The following SRGAP1 variants were observed in gnomAD, a reference collection of about 807,000 sequenced individuals.
The protein encoded by SRGAP1 is SLIT-ROBO Rho GTPase-activating protein 1.
A neutral mutation model predicts 121.9 loss-of-function variants in SRGAP1; 43 were observed. The observed-to-expected ratio is 0.35, with a 90% CI of 0.28 to 0.46. SRGAP1 has a LOEUF of 0.46. SRGAP1 is among the 20% of genes least tolerant of loss of function. The pLI, the probability that SRGAP1 is intolerant of heterozygous loss-of-function variation, is 1.00. For missense variants in SRGAP1, 1,102 were observed against 1,350.9 expected (o/e 0.82, Z 2.89); for synonymous variants, 447 against 485.4 (o/e 0.92, Z 1.04).
Position 64,126,099 on chromosome 12 carries a change from G to A in SRGAP1, c.2347G>A (p.Gly783Ser), listed in dbSNP as rs761486340. Residue 783 changes from glycine (G) to serine (S), a missense_variant, in exon 19 of 22, where the codon GGC becomes AGC. This residue lies in a region of SRGAP1 where 40 missense variants were observed against 78.4 expected (regional missense o/e 0.51). Transcript: ENST00000355086. ...YHRASEDWWE[G>S]RHNGIDGLVP... The stretch of plus-strand genomic sequence containing the variant: ...CCGTGCATCTGAGGACTGGTGGGAA[G>A]GCAGGCACAACGGGATTGACGGGCT... 1.9e-6 allele frequency: 3 copies of A among 1,614,170 alleles called. No homozygotes were observed. The South Asian group carries it at 3.3e-5, about 18-fold the overall frequency.
intron 1 of SRGAP1, among the ~76,000 whole-genome samples, chr12:63,981,987 G>A (rs920221196): frequency 6.6e-6 from 1 of 152,056 alleles, no homozygotes; most frequent in African/African-American, 2.4e-5. Flanking sequence ...GCCGAGGTGG[G>A]CGGATCACGA....
intron 6 of SRGAP1, among the ~76,000 whole-genome samples, chr12:64,049,975 T>C (rs1286255219): frequency 6.6e-6 from 1 of 152,192 alleles, no homozygotes; most frequent in Non-Finnish European, 1.5e-5. Flanking sequence ...TGTAGACCGC[T>C]TTGGGAAGTC....
intron 1 of SRGAP1, among the ~76,000 whole-genome samples, chr12:63,953,396 T>C (rs1304993617): frequency 1.4e-5 from 2 of 141,828 alleles, no homozygotes; most frequent in Admixed American, 7.5e-5. Context: ...AGTTTCTTGA[T>C]TGATTTTTTT....
chr12:63,848,931 C>G (rs1366005441), intron 1 of SRGAP1, among the ~76,000 whole-genome samples: 2 of 151,956 alleles, frequency 1.3e-5, no homozygotes, highest in African/African-American at 4.8e-5. Context: ...ACAGAAAAAA[C>G]AGTAATCAAA....
chr12:64,152,461 A>G lies in SRGAP1; in HGVS notation c.*9789A>G, dbSNP rs1565705016. On this transcript the variant is annotated 3_prime_UTR_variant, in exon 22 of 22. Coordinates refer to ENST00000355086, the MANE Select transcript of SRGAP1 (RefSeq NM_020762.4). Reference sequence around the variant, plus strand: ...GACGGCATACTACTGTGTCTTATTCATCTTTGTATCTTCAAGCCTAATGCA... The same window carrying G: ...GACGGCATACTACTGTGTCTTATTCGTCTTTGTATCTTCAAGCCTAATGCA... The G allele has an allele frequency of 1.3e-5, 2 of 152,176 alleles. No individual in the cohort carries two copies. Among genetic ancestry groups the G allele is most frequent in the African/African-American group, 4.8e-5 (2 of 41,442 alleles). The allele number at this position is 152,176 out of a possible 1,614,324, so 9.4% of individuals were successfully genotyped here.
At chr12:63,847,852 C>G (rs1040016733) in intron 1 of SRGAP1, among the ~76,000 whole-genome samples, 1 of 151,842 alleles carries the variant, frequency 6.6e-6, no homozygotes, top group Non-Finnish European at 1.5e-5. Flanking sequence ...TTTCTACCTT[C>G]TAACTTAGAA....
intron 1 of SRGAP1, among the ~76,000 whole-genome samples, 157 bp downstream of exon 1, chr12:63,845,040 G>T (rs902727043): frequency 1.3e-5 from 2 of 152,062 alleles, no homozygotes; most frequent in Admixed American, 6.5e-5. Context: ...AAGCCAGTTA[G>T]TTCCCAGTTG....
chr12:63,930,745 T>C (rs1018852778), intron 1 of SRGAP1, among the ~76,000 whole-genome samples: 1 of 151,752 alleles, frequency 6.6e-6, no homozygotes, highest in Non-Finnish European at 1.5e-5. Context: ...ATCTTACTCA[T>C]TGGGATTGGA....
chr12:64,127,709 A>T lies in SRGAP1; in HGVS notation c.2525A>T (p.Asp842Val). The change falls in exon 20 of 22, where the codon GAC becomes GTC. Residue 842 changes from aspartate (D) to valine (V), a missense_variant. By Grantham distance (152) the Asp-to-Val change is radical. Transcript: ENST00000355086. The part of the protein sequence containing the change: ...DMNSPTDRHP[D>V]GYLARQRKRG... ...AACTCCCCGACAGACCGTCATCCTG[A>T]CGGCTATTTAGCCAGGTAAGTAGAG... 2 of 1,614,104 alleles carry T rather than the reference A, an allele frequency of 1.2e-6. No homozygotes were observed. Among genetic ancestry groups the T allele is most frequent in the Non-Finnish European group, 1.7e-6 (2 of 1,180,006 alleles).
intron 4 of SRGAP1, among the ~76,000 whole-genome samples, chr12:64,026,004 C>T (rs368249638): frequency 7.9e-5 from 12 of 152,086 alleles, no homozygotes; most frequent in Non-Finnish European, 2.9e-5. Flanking sequence ...TCCTACCTCC[C>T]GTTTATAGTT....
chr12:64,014,027 A>T (rs2034330475), intron 3 of SRGAP1, among the ~76,000 whole-genome samples: 1 of 152,234 alleles, frequency 6.6e-6, no homozygotes, highest in Non-Finnish European at 1.5e-5. Flanking sequence ...AGTGTCTGGA[A>T]AAAGAAATAA....
intron 3 of SRGAP1, among the ~76,000 whole-genome samples, chr12:64,015,283 T>A (rs1487703674): frequency 1.3e-5 from 2 of 152,218 alleles, no homozygotes. Context: ...TAGTATAATA[T>A]ATACCCTCTC....
intron 10 of SRGAP1, among the ~76,000 whole-genome samples, chr12:64,086,721 T>C (rs1229039258): frequency 1.4e-5 from 1 of 72,462 alleles, no homozygotes; most frequent in Non-Finnish European, 3.1e-5. Context: ...GTTTCTTTTC[T>C]GAAAAAAAAA....
chr12:64,142,222 A>G, intron 21 of SRGAP1, 73 bp from the exon 22 acceptor site: 1 of 1,507,864 alleles, frequency 6.6e-7, no homozygotes, highest in Non-Finnish European at 8.9e-7. Context: ...TTTGAAATTA[A>G]GTGTCTGGGT....
At chr12:64,139,823 A>G (rs1034233446) in intron 21 of SRGAP1, among the ~76,000 whole-genome samples, 1 of 152,174 alleles carries the variant, frequency 6.6e-6, no homozygotes, top group Admixed American at 6.5e-5. Context: ...GCCCATGCCT[A>G]TGTCCTGAAT....
rs1243111852 is a variant in SRGAP1 at position 64,114,014 on chromosome 12, A to G, written c.2145-1800A>G. Among the ~76,000 whole-genome samples the G allele has an allele frequency of 6.2e-5, 8 of 129,532 alleles. No individual in the cohort carries two copies. The Admixed American group carries it at 6.2e-4, about 10-fold the overall frequency. 85.0% of individuals were successfully genotyped at this position (129,532 alleles called of 152,430 possible). On this transcript the variant is annotated intron_variant, in intron 17 of 21. Transcript: ENST00000355086. ...GAATGAGTAGCTGAAAGATAGTTAA[A>G]TAACTGAAAGTACTTTTTTTTTTAA...
At chr12:63,873,625 A>T (rs999421107) in intron 1 of SRGAP1, among the ~76,000 whole-genome samples, 1 of 151,824 alleles carries the variant, frequency 6.6e-6, no homozygotes, top group African/African-American at 2.4e-5. Context: ...ATTATGTTAT[A>T]TAAGCCTTGG....
chr12:64,095,202 G>C lies in SRGAP1; in HGVS notation c.1676G>C (p.Arg559Thr). The C allele has an allele frequency of 6.2e-7, 1 of 1,613,708 alleles. No homozygotes were observed. Residue 559 changes from arginine (R) to threonine (T), a missense_variant and splice_region_variant, in exon 14 of 22, where the codon AGA (arginine) becomes ACA (threonine). By Grantham distance (71) the Arg-to-Thr change is moderately conservative (BLOSUM62 -1). This residue lies in a region of SRGAP1 where 747 missense variants were observed against 929.4 expected (regional missense o/e 0.80). Transcript: ENST00000355086. ...EVNDIKNSFE[R>T]GENPLADDQS... is the part of the protein sequence containing the mutation. ...AATGATATTAAAAATTCATTTGAGA[G>C]AGGTAATTGCACGTCTATCCCTATA...
At chr12:63,907,436 G>T (rs1281832159) in intron 1 of SRGAP1, among the ~76,000 whole-genome samples, 3 of 152,046 alleles carry the variant, frequency 2.0e-5, no homozygotes, top group Admixed American at 1.3e-4. Context: ...TACTAGGGAG[G>T]CTGAGGCAGG....
Sources: allele counts gnomAD v4.1 joint callset (sites outside exome capture counted in the v4.1 genomes callset), GRCh38; gene constraint gnomAD v4.1.1; regional missense constraint gnomAD v4.1.1; transcripts MANE v1.5; gene names NCBI Gene and HGNC (gene_info 2026-07-23, HGNC 2026-07-21).